Variants in HILPDA observed in about 807,000 individuals in gnomAD.
HILPDA encodes hypoxia-inducible lipid droplet-associated protein.
For missense variants in HILPDA, 72 were observed against 73.5 expected (o/e 0.98, Z 0.08); for synonymous variants, 37 against 33.2 (o/e 1.12, Z -0.40).
Position 128,457,450 on chromosome 7 carries a change from G to T in HILPDA, c.182G>T (p.Arg61Ile). ...AAGGGCCTTCCAGACCATCCATCCAGAAGCATGTGATAAGACCTCCTTCCA... is the reference window on the plus strand; with the variant it reads ...AAGGGCCTTCCAGACCATCCATCCATAAGCATGTGATAAGACCTCCTTCCA... Reference protein sequence around the residue: ...PTKGLPDHPSRSM With the variant: ...PTKGLPDHPSISM The change falls in exon 2 of 2, where the codon AGA becomes ATA. Residue 61 changes from arginine (R) to isoleucine (I), a missense_variant. Physicochemically the swap from Arg to Ile is moderately conservative, Grantham distance 97. Transcript: ENST00000257696. The T allele has an allele frequency of 6.2e-7, 1 of 1,614,164 alleles. No individual in the cohort carries two copies. The highest frequency in any genetic ancestry group is 8.5e-7 in the Non-Finnish European group (1 of 1,180,002).
Position 128,457,701 on chromosome 7 carries a change from C to A in HILPDA, c.*241C>A. The stretch of plus-strand genomic sequence containing the variant: ...CTGAGGTGGGTGGATCACCTGAGGT[C>A]AGGAGTTCGAGACCAGCCTCGCCAA... On this transcript the variant is annotated 3_prime_UTR_variant, in exon 2 of 2. Coordinates refer to ENST00000257696, the MANE Select transcript of HILPDA (RefSeq NM_013332.4). The A allele has an allele frequency of 2.6e-6, 1 of 381,860 alleles. No individual in the cohort carries two copies. The highest frequency in any genetic ancestry group is 2.0e-5 in the African/African-American group (1 of 49,832). The allele number at this position is 381,860 out of a possible 1,614,324, so 23.7% of individuals were successfully genotyped here.
rs140972964 is a variant in HILPDA, at chr7:128,457,866, G to T, written c.*406G>T. On this transcript the variant is annotated 3_prime_UTR_variant, in exon 2 of 2. Transcript: ENST00000257696. ...ACGGAGGTTGCAGTGAGCCGAGATC[G>T]CACTGCTGTACCCAGCCTGGGCCAC... 89 of 227,888 alleles carry T rather than the reference G, an allele frequency of 3.9e-4. 1 individual carries two copies. The East Asian group carries it at 8.5e-3, about 22-fold the overall frequency. The allele number at this position is 227,888 out of a possible 1,614,324, so 14.1% of individuals were successfully genotyped here.
rs759708391 is a variant in HILPDA, at chr7:128,455,935, G to T, written c.-157G>T. 1.3e-5 allele frequency: 6 copies of T among 456,280 alleles called. No homozygotes were observed. Among genetic ancestry groups the T allele is most frequent in the South Asian group, 7.7e-5 (5 of 64,554 alleles). The allele number at this position is 456,280 out of a possible 1,614,324, so 28.3% of individuals were successfully genotyped here. A position where few individuals can be genotyped will look rare whatever the true frequency, so the allele number is the denominator to read the frequency against. Reference sequence around the variant, plus strand: ...GTGAGTTTTGTGGCGGGAAGCTTCTGCGCTGGTGCTTAGTAACCGACTTTC... The same window carrying T: ...GTGAGTTTTGTGGCGGGAAGCTTCTTCGCTGGTGCTTAGTAACCGACTTTC... On this transcript the variant is annotated 5_prime_UTR_variant, in exon 1 of 2. Coordinates refer to ENST00000257696, the MANE Select transcript of HILPDA (RefSeq NM_013332.4).
Position 128,457,588 on chromosome 7 carries a change from CCTGT to C in HILPDA, c.*131_*134del. 1.1e-6 allele frequency: 1 copy of C among 901,076 alleles called. No individual in the cohort carries two copies. Among genetic ancestry groups the C allele is most frequent in the Non-Finnish European group, 1.7e-6 (1 of 579,452 alleles). 55.8% of individuals were successfully genotyped at this position (901,076 alleles called of 1,614,324 possible). On this transcript the variant is annotated 3_prime_UTR_variant, in exon 2 of 2. Coordinates refer to ENST00000257696, the MANE Select transcript of HILPDA (RefSeq NM_013332.4). Reference sequence around the variant, plus strand: ...AGAACTATTACTAGGCCTTGAAGAACCTGTCTAACTGGATGCTCATTGCCTGGGC... The same window carrying C: ...AGAACTATTACTAGGCCTTGAAGAACCTAACTGGATGCTCATTGCCTGGGC...
Position 128,457,799 on chromosome 7 carries a change from C to T in HILPDA, c.*339C>T, listed in dbSNP as rs1033189958. 7 of 241,948 alleles carry T rather than the reference C, an allele frequency of 2.9e-5. No individual in the cohort carries two copies. The highest frequency in any genetic ancestry group is 5.2e-5 in the Non-Finnish European group (6 of 115,336). The allele number at this position is 241,948 out of a possible 1,614,324, so 15.0% of individuals were successfully genotyped here. On this transcript the variant is annotated 3_prime_UTR_variant, in exon 2 of 2. Coordinates refer to ENST00000257696, the MANE Select transcript of HILPDA (RefSeq NM_013332.4). ...TGGTGGCAGAGGCCTGTAATCCCAG[C>T]TCCTTGGGAGGCTGAGGCGGGAGAA... is the stretch of plus-strand genomic sequence containing the variant.
At position 128,458,151 on chromosome 7, in the gene HILPDA, A is replaced by G. The variant is rs963975304; in HGVS notation, c.*691A>G. ...TTTAGTCTTGAATGTCTTATGCTCA[A>G]TTATTTGGTGTTGAGCCTCTCTTCC... is the stretch of plus-strand genomic sequence containing the variant. On this transcript the variant is annotated 3_prime_UTR_variant, in exon 2 of 2. Transcript: ENST00000257696. 12 of 167,012 alleles carry G rather than the reference A, an allele frequency of 7.2e-5. No homozygotes were observed. Among genetic ancestry groups the G allele is most frequent in the African/African-American group, 2.7e-4 (11 of 41,392 alleles). The allele number at this position is 167,012 out of a possible 1,614,324, so 10.3% of individuals were successfully genotyped here.
Position 128,457,280 on chromosome 7 carries a change from G to GT in HILPDA, c.14dup (p.Leu5PhefsTer18), listed in dbSNP as rs1799555738. On this transcript the variant is annotated frameshift_variant, in exon 2 of 2. Coordinates refer to ENST00000257696, the MANE Select transcript of HILPDA (RefSeq NM_013332.4). LOFTEE classifies it low-confidence loss of function (END_TRUNC). ...GGGTCCTTTCAGCCATGAAGCATGTGTTGAACCTCTACCTGTTAGGTGTGG... is the reference window on the plus strand; with the variant it reads ...GGGTCCTTTCAGCCATGAAGCATGTGTTTGAACCTCTACCTGTTAGGTGTGG... The GT allele has an allele frequency of 6.2e-6, 10 of 1,611,946 alleles. No homozygotes were observed. The highest frequency in any genetic ancestry group is 8.5e-6 in the Non-Finnish European group (10 of 1,178,356).
At position 128,457,373 on chromosome 7, in the gene HILPDA, G is replaced by T. The variant is rs758380204; in HGVS notation, c.105G>T (p.Ser35=). The T allele has an allele frequency of 2.5e-6, 4 of 1,614,006 alleles. No homozygotes were observed. Among genetic ancestry groups the T allele is most frequent in the Non-Finnish European group, 2.5e-6 (3 of 1,179,954 alleles). Reference sequence around the variant, plus strand: ...TAGAGGGCTTACTAGAGAGCCCATCGCCTGGGACCTCCTGGACCACCAGAA... The same window carrying T: ...TAGAGGGCTTACTAGAGAGCCCATCTCCTGGGACCTCCTGGACCACCAGAA... ...ESLEGLLESP[S]PGTSWTTRSQ... is the part of the protein sequence containing the mutation. The change falls in exon 2 of 2, where the codon TCG becomes TCT. Residue 35 remains serine, a synonymous_variant. Transcript: ENST00000257696.
At chr7:128,457,054 T>TG (rs1268805788) in intron 1 of HILPDA, 147 bp from the exon 2 acceptor site, 6 of 436,572 alleles carry the variant, frequency 1.4e-5, no homozygotes, top group Non-Finnish European at 2.5e-5. Flanking sequence ...AAAATATTCT[T>TG]GGAGAGTTGC....
Position 128,457,252 on chromosome 7 carries a change from G to A in HILPDA, c.-17G>A, listed in dbSNP as rs567142764. ...GGCAGCTCTGTTTCTCTGCAGAGGAGTAGGGTCCTTTCAGCCATGAAGCAT... is the reference window on the plus strand; with the variant it reads ...GGCAGCTCTGTTTCTCTGCAGAGGAATAGGGTCCTTTCAGCCATGAAGCAT... On this transcript the variant is annotated 5_prime_UTR_variant, in exon 2 of 2. Transcript: ENST00000257696. 6.2e-7 allele frequency: 1 copy of A among 1,602,706 alleles called. No individual in the cohort carries two copies. The highest frequency in any genetic ancestry group is 8.5e-7 in the Non-Finnish European group (1 of 1,171,136).
rs1380679627 is a variant in HILPDA at position 128,455,887 on chromosome 7, G to A, written c.-205G>A. 4.4e-6 allele frequency: 2 copies of A among 456,610 alleles called. No homozygotes were observed. Among genetic ancestry groups the A allele is most frequent in the Non-Finnish European group, 4.4e-6 (1 of 226,986 alleles). The allele number at this position is 456,610 out of a possible 1,614,324, so 28.3% of individuals were successfully genotyped here. A position where few individuals can be genotyped will look rare whatever the true frequency, so the allele number is the denominator to read the frequency against. On this transcript the variant is annotated 5_prime_UTR_variant, in exon 1 of 2. Coordinates refer to ENST00000257696, the MANE Select transcript of HILPDA (RefSeq NM_013332.4). ...TGGGCGGCGTTGCTCTGCGCTCTGC[G>A]GCTGACGGCGCTTTTGTCTCCGGTG... is the stretch of plus-strand genomic sequence containing the variant.
Position 128,457,578 on chromosome 7 carries a change from C to T in HILPDA, c.*118C>T. The T allele has an allele frequency of 2.1e-6, 2 of 945,378 alleles. No homozygotes were observed. Among genetic ancestry groups the T allele is most frequent in the Non-Finnish European group, 3.2e-6 (2 of 616,190 alleles). 58.6% of individuals were successfully genotyped at this position (945,378 alleles called of 1,614,324 possible). A position where few individuals can be genotyped will look rare whatever the true frequency, so the allele number is the denominator to read the frequency against. The stretch of plus-strand genomic sequence containing the variant: ...TTGTAACCAGAGAACTATTACTAGG[C>T]CTTGAAGAACCTGTCTAACTGGATG... On this transcript the variant is annotated 3_prime_UTR_variant, in exon 2 of 2. Transcript: ENST00000257696.
Position 128,457,839 on chromosome 7 carries a change from G to GA in HILPDA, c.*379_*380insA. On this transcript the variant is annotated 3_prime_UTR_variant, in exon 2 of 2. Coordinates refer to ENST00000257696, the MANE Select transcript of HILPDA (RefSeq NM_013332.4). ...AGGCGGGAGAATTGCTTGAACCCGGGGACGGAGGTTGCAGTGAGCCGAGAT... is the reference window on the plus strand; with the variant it reads ...AGGCGGGAGAATTGCTTGAACCCGGGAGACGGAGGTTGCAGTGAGCCGAGAT... 4.3e-6 allele frequency: 1 copy of GA among 232,560 alleles called. No individual in the cohort carries two copies. Among genetic ancestry groups the GA allele is most frequent in the Non-Finnish European group, 9.3e-6 (1 of 107,358 alleles). 14.4% of individuals were successfully genotyped at this position (232,560 alleles called of 1,614,324 possible). A position where few individuals can be genotyped will look rare whatever the true frequency, so the allele number is the denominator to read the frequency against.
At chr7:128,457,143 C>A in intron 1 of HILPDA, 58 bp from the exon 2 acceptor site, 1 of 735,432 alleles carries the variant, frequency 1.4e-6, no homozygotes, top group Admixed American at 2.7e-5. Context: ...AGAGTCAGGG[C>A]TGGATGCATG....
intron 1 of HILPDA, among the ~76,000 whole-genome samples, chr7:128,456,911 C>T (rs972371611): frequency 3.9e-5 from 6 of 152,220 alleles, no homozygotes; most frequent in African/African-American, 1.4e-4. Flanking sequence ...ATCCACCCGC[C>T]TCGGCCTCCC....
In HILPDA at chr7:128,458,294, A is replaced by G. The variant is rs1799574285; in HGVS notation, c.*834A>G. The G allele has an allele frequency of 6.0e-6, 1 of 167,102 alleles. No homozygotes were observed. The highest frequency in any genetic ancestry group is 2.4e-5 in the African/African-American group (1 of 41,428). 10.4% of individuals were successfully genotyped at this position (167,102 alleles called of 1,614,324 possible). ...TTTTACATTTTAAAGTCGTTCCTCC[A>G]ACATAGTGTGTATTGGTCTGAAGGG... On this transcript the variant is annotated 3_prime_UTR_variant, in exon 2 of 2. Coordinates refer to ENST00000257696, the MANE Select transcript of HILPDA (RefSeq NM_013332.4).
At chr7:128,456,481 CTG>C in intron 1 of HILPDA, 1 of 159,168 alleles carries the variant, frequency 6.3e-6, no homozygotes, top group South Asian at 1.6e-4. Context: ...TAACTCCAAT[CTG>C]TGATGTGGGA....
rs1217669760 is a variant in HILPDA, at chr7:128,455,934, T to C, written c.-158T>C. The C allele has an allele frequency of 4.4e-6, 2 of 456,452 alleles. No homozygotes were observed. The highest frequency in any genetic ancestry group is 8.8e-6 in the Non-Finnish European group (2 of 226,952). The allele number at this position is 456,452 out of a possible 1,614,324, so 28.3% of individuals were successfully genotyped here. On this transcript the variant is annotated 5_prime_UTR_variant, in exon 1 of 2. Coordinates refer to ENST00000257696, the MANE Select transcript of HILPDA (RefSeq NM_013332.4). ...GGTGAGTTTTGTGGCGGGAAGCTTCTGCGCTGGTGCTTAGTAACCGACTTT... is the reference window on the plus strand; with the variant it reads ...GGTGAGTTTTGTGGCGGGAAGCTTCCGCGCTGGTGCTTAGTAACCGACTTT...
At position 128,456,064 on chromosome 7, in the gene HILPDA, C is replaced by A. The variant is rs553097170; in HGVS notation, c.-69+41C>A. 40 of 436,928 alleles carry A rather than the reference C, an allele frequency of 9.2e-5. 1 individual carries two copies. Among genetic ancestry groups the A allele is most frequent in the Middle Eastern group, 1.0e-3 (2 of 1,944 alleles). 27.1% of individuals were successfully genotyped at this position (436,928 alleles called of 1,614,324 possible). A position where few individuals can be genotyped will look rare whatever the true frequency, so the allele number is the denominator to read the frequency against. Reference sequence around the variant, plus strand: ...GGCTTCCCCGGCTCCCCACCCCCATCGCTAGAGTGCTCGCCGCGCTAGCAG... The same window carrying A: ...GGCTTCCCCGGCTCCCCACCCCCATAGCTAGAGTGCTCGCCGCGCTAGCAG... On this transcript the variant is annotated intron_variant, in intron 1 of 1. Coordinates refer to ENST00000257696, the MANE Select transcript of HILPDA (RefSeq NM_013332.4).
Sources: gnomAD v4.1 joint callset for allele counts (sites outside exome capture counted in the v4.1 genomes callset) on GRCh38, gnomAD v4.1.1 for gene constraint, MANE v1.5 for transcripts, NCBI Gene and HGNC (gene_info 2026-07-23, HGNC 2026-07-21) for gene names.